The following DSCAML1 variants were observed in gnomAD, a reference collection of about 807,000 sequenced individuals.
The protein encoded by DSCAML1 is DS cell adhesion molecule like 1, also known as cell adhesion molecule DSCAML1.
A neutral mutation model predicts 200.5 loss-of-function variants in DSCAML1; 38 were observed. The ratio of observed to expected loss-of-function variants is 0.19; its 90% CI spans 0.15 to 0.25. The LOEUF (loss-of-function observed/expected upper bound fraction) is 0.25, where lower values mean the gene tolerates loss of function less well. Ranked by LOEUF, DSCAML1 falls within the 10% of genes least tolerant of loss-of-function variation. The pLI is 1.00. For synonymous variants in DSCAML1, 1,215 were observed against 1,165.0 expected (o/e 1.04, Z -0.87); for missense variants, 2,223 against 2,858.8 (o/e 0.78, Z 5.07).
At chr11:117,672,870 G>A (rs931774196) in intron 3 of DSCAML1, among the ~76,000 whole-genome samples, 4 of 152,182 alleles carry the variant, frequency 2.6e-5, no homozygotes, top group African/African-American at 9.7e-5. Flanking sequence ...AATGCCAATT[G>A]ATTTACCTAT....
intron 2 of DSCAML1, among the ~76,000 whole-genome samples, chr11:117,779,466 A>C (rs1186658882): frequency 6.6e-6 from 1 of 152,152 alleles, no homozygotes; most frequent in Non-Finnish European, 1.5e-5. Flanking sequence ...CTTCACTGCT[A>C]AAAGTCTTTC....
In DSCAML1 at chr11:117,815,825, C is replaced by T. The variant is rs145228283; in HGVS notation, c.-250+1565G>A. 4.9e-3 allele frequency among the ~76,000 whole-genome samples: 740 copies of T among 151,064 alleles called. 7 individuals carry two copies. The highest frequency in any genetic ancestry group is 0.017 in the African/African-American group (711 of 41,332). On this transcript the variant is annotated intron_variant, in intron 1 of 2. Transcript: ENST00000525836. Reference sequence around the variant, plus strand: ...TCAGGGTCCCCTGGCAGGTGCTCTGCCCTGGTCTCCCGCCCTGCCAGGGGA... The same window carrying T: ...TCAGGGTCCCCTGGCAGGTGCTCTGTCCTGGTCTCCCGCCCTGCCAGGGGA...
intron 3 of DSCAML1, among the ~76,000 whole-genome samples, chr11:117,695,104 A>T (rs1827614627): frequency 1.3e-5 from 2 of 152,132 alleles, no homozygotes; most frequent in Admixed American, 1.3e-4. Flanking sequence ...CTCAAGGGAG[A>T]TATTACAAGG....
chr11:117,477,807 G>A (rs754434027), intron 14 of DSCAML1, among the ~76,000 whole-genome samples: 2 of 152,212 alleles, frequency 1.3e-5, no homozygotes, highest in African/African-American at 4.8e-5. Flanking sequence ...TGGCACTCCT[G>A]TTCCTAAATG....
At chr11:117,635,473 T>TGC (rs896563557) in intron 3 of DSCAML1, among the ~76,000 whole-genome samples, 5 of 150,460 alleles carry the variant, frequency 3.3e-5, no homozygotes, top group East Asian at 1.9e-4. Flanking sequence ...TGTGTGTGTG[T>TGC]GCGTGTGTGT....
intron 3 of DSCAML1, among the ~76,000 whole-genome samples, chr11:117,738,805 A>G (rs1317009948): frequency 1.3e-5 from 2 of 152,146 alleles, no homozygotes; most frequent in Non-Finnish European, 2.9e-5. Flanking sequence ...CTGTATCTCT[A>G]TTTTGGAAGT....
chr11:117,660,727 C>T (rs1454100761), intron 3 of DSCAML1, among the ~76,000 whole-genome samples: 1 of 152,152 alleles, frequency 6.6e-6, no homozygotes, highest in Non-Finnish European at 1.5e-5. Context: ...TAACAGGTGC[C>T]CTGTATATGT....
chr11:117,433,081 T>C (rs143373740), intron 29 of DSCAML1, 57 bp downstream of exon 29: 8 of 1,500,722 alleles, frequency 5.3e-6, no homozygotes, highest in Non-Finnish European at 7.4e-6. Flanking sequence ...TTCCATGGGT[T>C]GTAGCCTGGG....
upstream of DSCAML1, among the ~76,000 whole-genome samples, chr11:117,797,642 C>CT (rs1197413049): frequency 7.0e-6 from 1 of 143,060 alleles, no homozygotes; most frequent in Non-Finnish European, 1.5e-5. Flanking sequence ...GAATCCCAGG[C>CT]TTTTCAGTGC....
At chr11:117,486,221 G>A (rs1210602013) in intron 11 of DSCAML1, among the ~76,000 whole-genome samples, 1 of 150,442 alleles carries the variant, frequency 6.6e-6, no homozygotes, top group Non-Finnish European at 1.5e-5. Context: ...CAAAATGGCG[G>A]ATGGGAAAGT....
In DSCAML1 at chr11:117,778,545, T is replaced by A. The variant is rs982741800; in HGVS notation, c.365-1608A>T. On this transcript the variant is annotated intron_variant, in intron 2 of 32. Transcript: ENST00000651296. ...AAAGGAAATCACCATAAGAGCAGCG[T>A]ATAAAAGGCCCAGCCCAAGGAAAGC... Among the ~76,000 whole-genome samples, 113 of 152,354 alleles carry A rather than the reference T, an allele frequency of 7.4e-4. 1 individual carries two copies. The highest frequency in any genetic ancestry group is 2.7e-3 in the African/African-American group (111 of 41,584).
chr11:117,541,701 G>A (rs186917488), intron 3 of DSCAML1, among the ~76,000 whole-genome samples: 220 of 152,296 alleles, frequency 1.4e-3, no homozygotes, highest in Non-Finnish European at 2.5e-3. Flanking sequence ...AGGTTGTCTG[G>A]ACTGTAAGCC....
chr11:117,782,834 C>T (rs530146999), intron 1 of DSCAML1, among the ~76,000 whole-genome samples: 1 of 152,192 alleles, frequency 6.6e-6, no homozygotes, highest in East Asian at 1.9e-4. Flanking sequence ...CACTAAGAGA[C>T]AGGTACTATT....
intron 3 of DSCAML1, among the ~76,000 whole-genome samples, chr11:117,766,767 G>A (rs747039811): frequency 1.3e-5 from 2 of 152,166 alleles, no homozygotes; most frequent in African/African-American, 2.4e-5. Context: ...ACATGCACAC[G>A]CCGCCAGAGG....
chr11:117,627,343 C>T (rs2052069746), intron 3 of DSCAML1, among the ~76,000 whole-genome samples: 1 of 152,182 alleles, frequency 6.6e-6, no homozygotes, highest in Non-Finnish European at 1.5e-5. Flanking sequence ...TCACCACCAT[C>T]TGAGGTGGGT....
At chr11:117,624,512 T>C (rs933009166) in intron 3 of DSCAML1, among the ~76,000 whole-genome samples, 9 of 152,164 alleles carry the variant, frequency 5.9e-5, no homozygotes, top group Admixed American at 4.6e-4. Flanking sequence ...TTGGCCCTTT[T>C]GGGTTTTGTG....
intron 3 of DSCAML1, among the ~76,000 whole-genome samples, chr11:117,684,625 G>A (rs2053374519): frequency 6.6e-6 from 1 of 152,040 alleles, no homozygotes; most frequent in Non-Finnish European, 1.5e-5. Context: ...GGATGGAGGT[G>A]GCCCCTCCTG....
chr11:117,758,759 C>T (rs2054744526), intron 3 of DSCAML1, among the ~76,000 whole-genome samples: 1 of 152,090 alleles, frequency 6.6e-6, no homozygotes, highest in African/African-American at 2.4e-5. Context: ...CTTACAGACA[C>T]GGACATCTGA....
chr11:117,769,148 A>G (rs1244971810), intron 3 of DSCAML1, among the ~76,000 whole-genome samples: 4 of 67,140 alleles, frequency 6.0e-5, no homozygotes, highest in South Asian at 6.6e-4. Context: ...TATATTATAT[A>G]TATTTTATAT....
Sources: gnomAD v4.1 joint callset for allele counts (sites outside exome capture counted in the v4.1 genomes callset) on GRCh38, gnomAD v4.1.1 for gene constraint, MANE v1.5 for transcripts, NCBI Gene and HGNC (gene_info 2026-07-23, HGNC 2026-07-21) for gene names.